TSPAN15: variants seen among roughly 807,000 people sequenced by gnomAD.
TSPAN15 encodes tetraspanin-15.
In TSPAN15, 20 loss-of-function variants were observed where a neutral mutation model predicts 34.5. The ratio of observed to expected loss-of-function variants is 0.58; its 90% confidence interval spans 0.41 to 0.84. The LOEUF (loss-of-function observed/expected upper bound fraction) is 0.84. Ranked by LOEUF, TSPAN15 falls within the 40% of genes least tolerant of loss-of-function variation. The pLI is 0.00. For missense variants in TSPAN15, 313 were observed against 386.1 expected, an observed-to-expected ratio of 0.81 and a Z score of 1.59; for synonymous variants, 155 against 153.9, an observed-to-expected ratio of 1.01 and a Z score of -0.05.
chr10:69,498,449 T>A, intron 5 of TSPAN15, 53 bp downstream of exon 5: 1 of 1,445,424 alleles, frequency 6.9e-7, no homozygotes, highest in Non-Finnish European at 9.7e-7. Context: ...CCAGGTGGTA[T>A]AAATGTTCTC....
chr10:69,522,943 A>AT, the TSPAN15 span, among the ~76,000 whole-genome samples: 2 of 147,250 alleles, frequency 1.4e-5, no homozygotes, highest in Non-Finnish European at 1.5e-5. Flanking sequence ...CAATTTATCT[A>AT]TTTTTTTTGT....
At chr10:69,530,818 CTCTATATATATAT>C in the TSPAN15 span, among the ~76,000 whole-genome samples, 1 of 42,560 alleles carries the variant, frequency 2.3e-5, no homozygotes, top group African/African-American at 9.3e-5. Flanking sequence ...CTCTCTCTCT[CTCTATATATATAT>C]ATATATATAT....
At chr10:69,531,416 C>T in the TSPAN15 span, among the ~76,000 whole-genome samples, 5 of 152,120 alleles carry the variant, frequency 3.3e-5, no homozygotes, top group South Asian at 2.1e-4. Context: ...CTGGGCAACA[C>T]GGCAAAACCC....
chr10:69,492,194 A>C (rs1326170977), intron 3 of TSPAN15, among the ~76,000 whole-genome samples: 2 of 152,106 alleles, frequency 1.3e-5, no homozygotes, highest in Non-Finnish European at 2.9e-5. Context: ...TATGTTGGGC[A>C]TCTGGGAATG....
chr10:69,497,472 T>C (rs1025400414), intron 4 of TSPAN15, among the ~76,000 whole-genome samples: 3 of 152,238 alleles, frequency 2.0e-5, no homozygotes, highest in Admixed American at 1.3e-4. Context: ...GGCTTCTTTC[T>C]GTTTCCATGT....
At chr10:69,491,417 G>A (rs1239456454) in intron 3 of TSPAN15, among the ~76,000 whole-genome samples, 2 of 152,200 alleles carry the variant, frequency 1.3e-5, no homozygotes, top group African/African-American at 4.8e-5. Flanking sequence ...AGGCCGGAGT[G>A]CAGTGGTGCA....
At chr10:69,548,179 C>G in the TSPAN15 span, among the ~76,000 whole-genome samples, 1 of 152,128 alleles carries the variant, frequency 6.6e-6, no homozygotes. Context: ...CAGACAAACA[C>G]AAAAAATGCC....
At chr10:69,511,406 T>TGGGATCAGTGGTGA (rs1180872562), downstream of TSPAN15, among the ~76,000 whole-genome samples, 2 of 152,244 alleles carry the variant, frequency 1.3e-5, no homozygotes, top group Non-Finnish European at 2.9e-5. Context: ...TGTATTTCTG[T>TGGGATCAGTGGTGA]GGGATCAGTG....
chr10:69,481,037 G>A (rs941382114), intron 1 of TSPAN15, among the ~76,000 whole-genome samples: 4 of 152,188 alleles, frequency 2.6e-5, no homozygotes, highest in African/African-American at 7.2e-5. Context: ...ATTGCTCTCC[G>A]AGGACCTGGG....
chr10:69,481,027 A>G (rs1047455157), intron 1 of TSPAN15, among the ~76,000 whole-genome samples: 1 of 152,144 alleles, frequency 6.6e-6, no homozygotes, highest in African/African-American at 2.4e-5. Context: ...GCTGCTCGCC[A>G]TTGCTCTCCG....
chr10:69,521,352 A>G, the TSPAN15 span, among the ~76,000 whole-genome samples: 2 of 147,632 alleles, frequency 1.4e-5, no homozygotes, highest in Non-Finnish European at 3.0e-5. Context: ...TCTACTAAAA[A>G]TACAAAAATT....
chr10:69,476,533 G>T (rs1294605667), intron 1 of TSPAN15, among the ~76,000 whole-genome samples: 2 of 148,384 alleles, frequency 1.3e-5, no homozygotes, highest in East Asian at 3.9e-4. Flanking sequence ...CTTCAGCCTG[G>T]ATGACAGAGT....
At chr10:69,535,203 A>G in the TSPAN15 span, among the ~76,000 whole-genome samples, 1 of 152,188 alleles carries the variant, frequency 6.6e-6, no homozygotes, top group Non-Finnish European at 1.5e-5. Context: ...AAAATAAACC[A>G]GGCTTTTAGA....
At chr10:69,514,109 ACT>A in the TSPAN15 span, among the ~76,000 whole-genome samples, 1 of 152,328 alleles carries the variant, frequency 6.6e-6, no homozygotes, top group East Asian at 1.9e-4. Flanking sequence ...TTTTGTTGGG[ACT>A]AGATGTTGGA....
downstream of TSPAN15, among the ~76,000 whole-genome samples, chr10:69,508,321 G>C (rs1332421919): frequency 6.6e-6 from 1 of 151,640 alleles, no homozygotes; most frequent in Non-Finnish European, 1.5e-5. Context: ...CGCGCCTGTA[G>C]TTCCAGCTAC....
chr10:69,541,548 A>T, the TSPAN15 span, among the ~76,000 whole-genome samples: 1 of 151,964 alleles, frequency 6.6e-6, no homozygotes, highest in Non-Finnish European at 1.5e-5. Flanking sequence ...CTCAGTGGGG[A>T]CTCTGTGCAG....
chr10:69,483,990 A>G (rs768808211), intron 2 of TSPAN15, 114 bp downstream of exon 2: 13 of 1,157,908 alleles, frequency 1.1e-5, no homozygotes, highest in Non-Finnish European at 1.5e-5. Flanking sequence ...CACCTCCTTT[A>G]GAGAGCTCCT....
chr10:69,530,786 C>T, the TSPAN15 span, among the ~76,000 whole-genome samples: 1,063 of 33,932 alleles, frequency 0.031, 37 homozygotes, highest in East Asian at 0.13. Context: ...GAGACTCTCT[C>T]TCTCTCTCTC....
chr10:69,465,789 T>C (rs187930782), intron 1 of TSPAN15, among the ~76,000 whole-genome samples: 58 of 152,320 alleles, frequency 3.8e-4, no homozygotes, highest in Non-Finnish European at 6.8e-4. Flanking sequence ...GATGGACTTT[T>C]TGGGGATGGG....
Sources: allele counts gnomAD v4.1 joint callset (sites outside exome capture counted in the v4.1 genomes callset), GRCh38; gene constraint gnomAD v4.1.1; transcripts MANE v1.5; gene names NCBI Gene and HGNC (gene_info 2026-07-23, HGNC 2026-07-21).